The following ETFB variants were observed in gnomAD, a reference collection of about 807,000 sequenced individuals.
ETFB encodes beta-ETF.
ETFB carries 20 observed loss-of-function variants against 25.6 expected under a neutral mutation model. The observed-to-expected ratio is 0.78, with a 90% CI of 0.55 to 1.14. ETFB has a LOEUF of 1.14. Ranked by LOEUF, ETFB falls within the 50% of genes most tolerant of loss-of-function variation. The pLI is 0.00. For synonymous variants in ETFB, 142 were observed against 146.7 expected, an observed-to-expected ratio of 0.97 and a Z score of 0.23; for missense variants, 286 against 342.6, an observed-to-expected ratio of 0.83 and a Z score of 1.30.
At chr19:51,358,838 A>C (rs867967602) in intron 1 of ETFB, among the ~76,000 whole-genome samples, 44,810 of 148,064 alleles carry the variant, frequency 0.3, 7,250 homozygotes, top group South Asian at 0.41. Context: ...CAACAAAAAA[A>C]AAAAAAAAAA....
chr19:51,358,492 AAAC>A (rs202209299), intron 1 of ETFB, among the ~76,000 whole-genome samples: 133 of 152,038 alleles, frequency 8.7e-4, no homozygotes, highest in Middle Eastern at 3.4e-3. Flanking sequence ...CAGGTTCTAC[AAAC>A]AACAACAACA....
At chr19:51,359,662 G>A (rs1986172411) in intron 1 of ETFB, among the ~76,000 whole-genome samples, 5 of 152,184 alleles carry the variant, frequency 3.3e-5, no homozygotes, top group Admixed American at 2.6e-4. Context: ...TTGATTTTAA[G>A]CTTCAAAAAC....
At chr19:51,362,128 C>A (rs907473782) in intron 1 of ETFB, among the ~76,000 whole-genome samples, 1 of 150,214 alleles carries the variant, frequency 6.7e-6, no homozygotes, top group Admixed American at 6.8e-5. Flanking sequence ...GATACACGCA[C>A]ATACCCAGAA....
chr19:51,354,693 A>C, intron 1 of ETFB: 1 of 1,599,102 alleles, frequency 6.3e-7, no homozygotes, highest in East Asian at 2.2e-5. Context: ...CATAAATACA[A>C]ATGAGGAGAA....
intron 1 of ETFB, among the ~76,000 whole-genome samples, chr19:51,359,597 G>A (rs940454892): frequency 2.7e-5 from 4 of 150,798 alleles, no homozygotes; most frequent in Admixed American, 6.6e-5. Flanking sequence ...ACACACACAC[G>A]CACGCACACA....
chr19:51,366,185 G>A (rs573140051), intron 1 of ETFB, 85 bp downstream of exon 1: 1 of 1,351,466 alleles, frequency 7.4e-7, no homozygotes, highest in South Asian at 1.2e-5. Context: ...GGGGTTACGA[G>A]AAGACCCCCA....
At chr19:51,347,550 A>T (rs145609107) in intron 4 of ETFB, 141 of 189,308 alleles carry the variant, frequency 7.4e-4, no homozygotes, top group African/African-American at 3.1e-3. Context: ...CAGACAACAG[A>T]ACTGTGTGTG....
At position 51,347,240 on chromosome 19, in the gene ETFB, C is replaced by A. The variant is rs564428600; in HGVS notation, c.439-182G>T. The stretch of plus-strand genomic sequence containing the variant: ...ACCTGGGAGAGGGTCTTTTTCCTTT[C>A]CCTGAGAGCCACGGTGTATGTCCTG... On this transcript the variant is annotated intron_variant, in intron 4 of 5. Coordinates refer to ENST00000309244, the MANE Select transcript of ETFB (RefSeq NM_001985.3). The A allele has an allele frequency of 1.4e-4, 86 of 636,086 alleles. 1 individual carries two copies. In the African/African-American group the frequency reaches 1.4e-3, roughly 10 times the overall value. The allele number at this position is 636,086 out of a possible 1,614,324, so 39.4% of individuals were successfully genotyped here.
At position 51,346,867 on chromosome 19, in the gene ETFB, C is replaced by T. The variant is rs10422912; in HGVS notation, c.597+33G>A. 7.3e-3 allele frequency: 11,200 copies of T among 1,540,190 alleles called. 674 individuals carry two copies. The African/African-American group carries it at 0.13, about 18-fold the overall frequency. ...GGGCTGGCAATGTGCTTGCCACCCCCAGGCCCTCAGTGCCCGCTGGCCAGG... is the reference window on the plus strand; with the variant it reads ...GGGCTGGCAATGTGCTTGCCACCCCTAGGCCCTCAGTGCCCGCTGGCCAGG... On this transcript the variant is annotated intron_variant, in intron 5 of 5. Transcript: ENST00000309244.
intron 1 of ETFB, chr19:51,361,698 T>TTTTG (rs1986232792): frequency 8.5e-5 from 1 of 11,708 alleles, no homozygotes; most frequent in Non-Finnish European, 3.7e-4. Flanking sequence ...CTCTCCTGGG[T>TTTTG]TTTTTTTTTT....
chr19:51,352,903 C>T (rs984643469), intron 3 of ETFB, among the ~76,000 whole-genome samples: 5 of 152,230 alleles, frequency 3.3e-5, no homozygotes, highest in African/African-American at 1.2e-4. Flanking sequence ...GCTGAGATTA[C>T]AGGCGTAAAC....
intron 5 of ETFB, chr19:51,345,776 C>A: frequency 2.9e-6 from 1 of 341,470 alleles, no homozygotes; most frequent in Non-Finnish European, 5.8e-6. Flanking sequence ...TGCGCTGAAC[C>A]CTCCCTATAG....
chr19:51,366,168 G>A (rs1986359487), intron 1 of ETFB, 102 bp downstream of exon 1: 1 of 1,175,504 alleles, frequency 8.5e-7, no homozygotes, highest in Non-Finnish European at 1.3e-6. Context: ...TAAAGCGGCA[G>A]AGGTCGGGGG....
intron 1 of ETFB, 44 bp from the exon 2 acceptor site, chr19:51,354,352 C>A (rs776379865): frequency 6.2e-7 from 1 of 1,613,876 alleles, no homozygotes; most frequent in Admixed American, 1.7e-5. Flanking sequence ...AGGAAACAGG[C>A]AAGAAGGTGG....
chr19:51,355,964 G>T (rs1986069516), intron 1 of ETFB: 1 of 112,848 alleles, frequency 8.9e-6, no homozygotes, highest in South Asian at 3.4e-4. Context: ...AGGGGGGAGG[G>T]ATAGCATTAG....
At chr19:51,360,419 G>GA (rs1367411888) in intron 1 of ETFB, among the ~76,000 whole-genome samples, 10 of 149,474 alleles carry the variant, frequency 6.7e-5, no homozygotes, top group South Asian at 6.4e-4. Flanking sequence ...AAAAAGAAAA[G>GA]AAAAAAAAAA....
At chr19:51,355,522 A>C (rs536878465) in intron 1 of ETFB, 1 of 152,348 alleles carries the variant, frequency 6.6e-6, no homozygotes, top group African/African-American at 2.4e-5. Context: ...ACCATTGTGG[A>C]AGTCGGTGTG....
At chr19:51,352,307 C>T (rs1985949798) in intron 3 of ETFB, among the ~76,000 whole-genome samples, 1 of 152,170 alleles carries the variant, frequency 6.6e-6, no homozygotes, top group African/African-American at 2.4e-5. Context: ...CCAAAATTCT[C>T]AAGTCTTTGT....
At chr19:51,351,379 G>GA (rs1406307954) in intron 3 of ETFB, among the ~76,000 whole-genome samples, 1 of 152,236 alleles carries the variant, frequency 6.6e-6, no homozygotes, top group Non-Finnish European at 1.5e-5. Flanking sequence ...AGCTGTGCCT[G>GA]AAGCCCCTGA....
Sources: gnomAD v4.1 joint callset for allele counts (sites outside exome capture counted in the v4.1 genomes callset) on GRCh38, gnomAD v4.1.1 for gene constraint, MANE v1.5 for transcripts, NCBI Gene and HGNC (gene_info 2026-07-23, HGNC 2026-07-21) for gene names.